The following COL4A6 variants were observed in gnomAD, a reference collection of about 807,000 sequenced individuals.
COL4A6 encodes collagen alpha-6(IV) chain.
COL4A6 carries 59 observed loss-of-function variants against 126.7 expected under a neutral mutation model. The ratio of observed to expected loss-of-function variants is 0.47; its 90% CI spans 0.38 to 0.58. The LOEUF (loss-of-function observed/expected upper bound fraction) is 0.58, where lower values mean the gene tolerates loss of function less well. Among genes scored for constraint, COL4A6 ranks in the 20% least tolerant of loss-of-function variants. The pLI, the probability that COL4A6 is intolerant of heterozygous loss-of-function variation, is 0.00. For synonymous variants in COL4A6, 547 were observed against 496.6 expected, an observed-to-expected ratio of 1.10 and a Z score of -1.35; for missense variants, 1,285 against 1,337.3, an observed-to-expected ratio of 0.96 and a Z score of 0.61.
At chrX:108,365,683 T>C (rs1248118193) in intron 2 of COL4A6, among the ~76,000 whole-genome samples, 1 of 112,106 alleles carries the variant, frequency 8.9e-6, no homozygotes, top group Admixed American at 9.5e-5. Context: ...TCAAACTCTA[T>C]GTGCCAAGAA....
intron 2 of COL4A6, among the ~76,000 whole-genome samples, chrX:108,433,099 G>T (rs1175165076): frequency 9.0e-6 from 1 of 111,553 alleles, no homozygotes; most frequent in African/African-American, 3.3e-5. Flanking sequence ...AGGAACTTGG[G>T]GGTAATGCAA....
chrX:108,340,521 T>C (rs2039535876), intron 2 of COL4A6, among the ~76,000 whole-genome samples: 1 of 110,469 alleles, frequency 9.1e-6, no homozygotes, highest in Admixed American at 9.7e-5. Flanking sequence ...ATAACTTAAA[T>C]ATTCAGGAAG....
At position 108,251,089 on chromosome X, in the gene COL4A6, T is replaced by C. The variant is rs201887947; in HGVS notation, c.145-29715A>G. Among the ~76,000 whole-genome samples the C allele has an allele frequency of 2.7e-5, 3 of 111,015 alleles. No homozygotes were observed. The East Asian group carries it at 8.6e-4, about 32-fold the overall frequency. On this transcript the variant is annotated intron_variant, in intron 3 of 44. Transcript: ENST00000334504. ...CACAGGGGAGTTTCAAGGGGCCAAA[T>C]GCACAGAGCTAAGTCTAACTCAGGA...
intron 3 of COL4A6, among the ~76,000 whole-genome samples, chrX:108,298,709 G>A (rs1445999971): frequency 1.8e-5 from 2 of 109,649 alleles, no homozygotes; most frequent in African/African-American, 3.3e-5. Flanking sequence ...GTCTGGGGGC[G>A]TTGGGTCATT....
intron 18 of COL4A6, among the ~76,000 whole-genome samples, chrX:108,191,754 T>C (rs2035051516): frequency 9.0e-6 from 1 of 111,502 alleles, no homozygotes. Context: ...GGGCCCAGCA[T>C]TTCTCAGTGG....
intron 16 of COL4A6, among the ~76,000 whole-genome samples, chrX:108,194,069 C>G (rs1226463582): frequency 8.9e-6 from 1 of 112,345 alleles, no homozygotes; most frequent in Admixed American, 9.4e-5. Context: ...CCATCACAAC[C>G]CTTGTTAGTG....
At chrX:108,361,766 C>A (rs769960043) in intron 2 of COL4A6, among the ~76,000 whole-genome samples, 1 of 111,702 alleles carries the variant, frequency 9.0e-6, no homozygotes, top group African/African-American at 3.3e-5. Context: ...GCCAGTGAAA[C>A]CTCACTGATT....
chrX:108,260,202 T>A (rs1159253269), intron 3 of COL4A6, among the ~76,000 whole-genome samples: 1 of 111,283 alleles, frequency 9.0e-6, no homozygotes, highest in African/African-American at 3.3e-5. Flanking sequence ...AGCATCTATC[T>A]ACTGGTCCAT....
intron 43 of COL4A6, 114 bp from the exon 44 acceptor site, chrX:108,159,862 T>A: frequency 1.3e-6 from 1 of 792,253 alleles, no homozygotes; most frequent in Non-Finnish European, 1.9e-6. Context: ...AGCCCTCTCC[T>A]TCCAATCCTG....
chrX:108,329,425 G>A, intron 2 of COL4A6, among the ~76,000 whole-genome samples: 1 of 111,579 alleles, frequency 9.0e-6, no homozygotes, highest in South Asian at 3.8e-4. Flanking sequence ...ACAATGTAGG[G>A]ACTTTATTTG....
At chrX:108,333,585 G>A (rs2147981101) in intron 2 of COL4A6, among the ~76,000 whole-genome samples, 1 of 110,625 alleles carries the variant, frequency 9.0e-6, no homozygotes, top group African/African-American at 3.3e-5. Context: ...AGCAATAGAA[G>A]GAAAAAAAGG....
intron 2 of COL4A6, among the ~76,000 whole-genome samples, chrX:108,341,925 G>A (rs1448003203): frequency 8.9e-6 from 1 of 112,314 alleles, no homozygotes; most frequent in Non-Finnish European, 1.9e-5. Flanking sequence ...AGAGGTTCCA[G>A]GCTGAAAGCC....
At chrX:108,285,841 A>C (rs1187497016) in intron 3 of COL4A6, among the ~76,000 whole-genome samples, 1 of 112,005 alleles carries the variant, frequency 8.9e-6, no homozygotes, top group Non-Finnish European at 1.9e-5. Flanking sequence ...CAGGTGATTC[A>C]AGATTGAGGA....
chrX:108,194,723 T>C lies in COL4A6; in HGVS notation c.949-136A>G. ...GGTATATGTGGCTTCTATCTGACTC[T>C]GGAAGCTGTAAAATCTTCCAGAAGA... On this transcript the variant is annotated intron_variant, in intron 15 of 44. Transcript: ENST00000334504. The C allele has an allele frequency of 4.9e-6, 3 of 608,194 alleles. No individual in the cohort carries two copies. In the Middle Eastern group the frequency reaches 9.7e-4, roughly 197 times the overall value. The allele number at this position is 608,194 out of a possible 1,213,427, so 50.1% of individuals were successfully genotyped here.
At chrX:108,363,273 G>A (rs2040126904) in intron 2 of COL4A6, among the ~76,000 whole-genome samples, 1 of 111,854 alleles carries the variant, frequency 8.9e-6, no homozygotes, top group African/African-American at 3.3e-5. Context: ...GAAATTCCAT[G>A]ATTCTATGAA....
intron 8 of COL4A6, among the ~76,000 whole-genome samples, chrX:108,208,921 A>C (rs763104981): frequency 8.9e-5 from 10 of 112,072 alleles, no homozygotes; most frequent in Non-Finnish European, 1.7e-4. Flanking sequence ...CTCTCCCCAA[A>C]TTGAAGCAGT....
chrX:108,361,632 A>G (rs1443801412), intron 2 of COL4A6, among the ~76,000 whole-genome samples: 3 of 111,875 alleles, frequency 2.7e-5, no homozygotes, highest in Admixed American at 9.5e-5. Flanking sequence ...CTTCCAAGTC[A>G]TAAAACGTGG....
chrX:108,283,169 A>C (rs183059928), intron 3 of COL4A6, among the ~76,000 whole-genome samples: 1 of 111,179 alleles, frequency 9.0e-6, no homozygotes, highest in Non-Finnish European at 1.9e-5. Flanking sequence ...AAAATAAAAA[A>C]ATAAAAAAAA....
chrX:108,169,366 T>C (rs1193873615), intron 37 of COL4A6, 129 bp downstream of exon 37: 8 of 883,500 alleles, frequency 9.1e-6, no homozygotes, highest in African/African-American at 2.0e-5. Context: ...CCCACTGGGT[T>C]GTGAGACTCC....
Sources: gnomAD v4.1 joint callset for allele counts (sites outside exome capture counted in the v4.1 genomes callset) on GRCh38, gnomAD v4.1.1 for gene constraint, MANE v1.5 for transcripts, NCBI Gene and HGNC (gene_info 2026-07-23, HGNC 2026-07-21) for gene names.